Variants in SCUBE2 observed in about 807,000 individuals in gnomAD.
The protein encoded by SCUBE2 is signal peptide, CUB and EGF-like domain-containing protein 2.
In SCUBE2, 114 loss-of-function variants were observed where a neutral mutation model predicts 125.9. That is an observed-to-expected ratio of 0.91 (90% CI 0.78 to 1.06). The LOEUF (loss-of-function observed/expected upper bound fraction) is 1.06, where lower values mean the gene tolerates loss of function less well. Among genes scored for constraint, SCUBE2 ranks in the 50% least tolerant of loss-of-function variants. The probability of loss-of-function intolerance (pLI) is 0.00; values close to 1 mark genes in which losing one functional copy is unlikely to be tolerated. For synonymous variants in SCUBE2, 459 were observed against 492.9 expected, an observed-to-expected ratio of 0.93 and a Z score of 0.91; for missense variants, 1,255 against 1,301.8, an observed-to-expected ratio of 0.96 and a Z score of 0.55.
chr11:9,051,753 T>TA (rs1408622812), intron 13 of SCUBE2, among the ~76,000 whole-genome samples: 2 of 152,226 alleles, frequency 1.3e-5, no homozygotes, highest in East Asian at 3.9e-4. Flanking sequence ...ATAATGCATT[T>TA]AAAAAAAGGA....
intron 17 of SCUBE2, among the ~76,000 whole-genome samples, chr11:9,032,272 G>A (rs968050389): frequency 3.3e-5 from 5 of 151,924 alleles, no homozygotes; most frequent in African/African-American, 4.8e-5. Flanking sequence ...GTGCCACCAC[G>A]CTCAGCTATT....
chr11:9,026,031 A>G (rs1176771586), intron 20 of SCUBE2, 177 bp from the exon 21 acceptor site: 1 of 625,530 alleles, frequency 1.6e-6, no homozygotes, highest in Non-Finnish European at 2.6e-6. Flanking sequence ...TTCAGCTGGT[A>G]ATTGTGGACC....
chr11:9,021,286 C>T, intron 22 of SCUBE2, 89 bp from the exon 23 acceptor site: 1 of 1,114,398 alleles, frequency 9.0e-7, no homozygotes, highest in Admixed American at 3.1e-5. Flanking sequence ...CAGTATTAGG[C>T]CGTAGCTTGC....
Position 9,019,774 on chromosome 11 carries a change from A to T in SCUBE2, c.*1271T>A, listed in dbSNP as rs1855165624. Reference sequence around the variant, plus strand: ...GCATAGAATTGTTATTGAAATAACAAAACACTATAGTTGTAGGTAGTCCAT... The same window carrying T: ...GCATAGAATTGTTATTGAAATAACATAACACTATAGTTGTAGGTAGTCCAT... On this transcript the variant is annotated 3_prime_UTR_variant, in exon 23 of 23. Coordinates refer to ENST00000649792, the MANE Select transcript of SCUBE2 (RefSeq NM_001367977.2). Among the ~76,000 whole-genome samples, 1 of 152,204 alleles carries T rather than the reference A, an allele frequency of 6.6e-6. No homozygotes were observed. The highest frequency in any genetic ancestry group is 6.5e-5 in the Admixed American group (1 of 15,288).
chr11:9,050,489 G>T (rs1190291563), intron 14 of SCUBE2, 117 bp downstream of exon 14: 2 of 752,166 alleles, frequency 2.7e-6, no homozygotes, highest in East Asian at 4.9e-5. Flanking sequence ...AGTTCCATCT[G>T]CAGTGTGCTT....
chr11:9,024,768 A>G (rs1855582967), intron 21 of SCUBE2, among the ~76,000 whole-genome samples: 1 of 152,212 alleles, frequency 6.6e-6, no homozygotes, highest in African/African-American at 2.4e-5. Context: ...TTCAAGACCC[A>G]CATCTCTCAA....
At chr11:9,058,323 C>T (rs1490307117) in intron 9 of SCUBE2, among the ~76,000 whole-genome samples, 3 of 151,898 alleles carry the variant, frequency 2.0e-5, no homozygotes, top group Non-Finnish European at 2.9e-5. Context: ...ATTGGCCAGG[C>T]GCAGTGGCTC....
chr11:9,051,216 AT>A lies in SCUBE2; in HGVS notation c.1535-507del, dbSNP rs1566200502. Among the ~76,000 whole-genome samples the A allele has an allele frequency of 3.2e-3, 465 of 145,228 alleles. 2 individuals carry two copies. The highest frequency in any genetic ancestry group is 9.6e-3 in the African/African-American group (386 of 40,354). On this transcript the variant is annotated intron_variant, in intron 13 of 22. Coordinates refer to ENST00000649792, the MANE Select transcript of SCUBE2 (RefSeq NM_001367977.2). Reference sequence around the variant, plus strand: ...TATCTATCTATCTATCTATCTATCTATCTATCTATCTACCTACCTACCTATC... The same window carrying A: ...TATCTATCTATCTATCTATCTATCTACTATCTATCTACCTACCTACCTATC...
chr11:9,081,889 T>A lies in SCUBE2; in HGVS notation c.257-2380A>T, dbSNP rs566384151. On this transcript the variant is annotated intron_variant, in intron 2 of 22. Transcript: ENST00000649792. ...GGTCCTATGGTAATTTTTTTTAAAATTTTTTGAGGAACTTCCACACTGTTT... is the reference window on the plus strand; with the variant it reads ...GGTCCTATGGTAATTTTTTTTAAAAATTTTTGAGGAACTTCCACACTGTTT... Among the ~76,000 whole-genome samples, 44 of 152,320 alleles carry A rather than the reference T, an allele frequency of 2.9e-4. No individual in the cohort carries two copies. The South Asian group carries it at 8.3e-3, about 29-fold the overall frequency.
intron 4 of SCUBE2, among the ~76,000 whole-genome samples, chr11:9,073,843 A>G (rs1224376418): frequency 2.6e-5 from 4 of 152,228 alleles, no homozygotes; most frequent in African/African-American, 9.6e-5. Context: ...AGAGGAATGA[A>G]AAAAGGTATA....
At chr11:9,033,980 T>C (rs1209797151) in intron 16 of SCUBE2, among the ~76,000 whole-genome samples, 184 bp from the exon 17 acceptor site, 2 of 151,866 alleles carry the variant, frequency 1.3e-5, no homozygotes, top group Non-Finnish European at 2.9e-5. Flanking sequence ...TTGATCCTCA[T>C]TGCCCCGTTA....
At chr11:9,090,804 T>C (rs1862623791) in intron 1 of SCUBE2, among the ~76,000 whole-genome samples, 1 of 152,070 alleles carries the variant, frequency 6.6e-6, no homozygotes, top group South Asian at 2.1e-4. Flanking sequence ...ACAAAAGCAT[T>C]TTGAAAGTAT....
Position 9,047,980 on chromosome 11 carries a change from A to C in SCUBE2, c.1758T>G (p.Val586=). 1.2e-6 allele frequency: 2 copies of C among 1,613,946 alleles called. No homozygotes were observed. Among genetic ancestry groups the C allele is most frequent in the South Asian group, 2.2e-5 (2 of 91,062 alleles). The change falls in exon 15 of 23, where the codon GTT becomes GTG. Residue 586 remains valine, a synonymous_variant. Coordinates refer to ENST00000649792, the MANE Select transcript of SCUBE2 (RefSeq NM_001367977.2). ...PSTPKEMFIT[V]EFELETNQKE... ...TTTGGTTAGTTTCAAGCTCAAACTC[A>C]ACAGTGATAAACATTTCCTTAGGGG...
At chr11:9,079,004 C>A (rs1256077019) in intron 3 of SCUBE2, among the ~76,000 whole-genome samples, 2 of 152,002 alleles carry the variant, frequency 1.3e-5, no homozygotes, top group African/African-American at 2.4e-5. Context: ...CCCCAGCACA[C>A]ATTTGGAGTC....
chr11:9,058,595 C>CAAAAAAAAAAAAAA (rs61409328), intron 9 of SCUBE2, among the ~76,000 whole-genome samples: 3 of 44,314 alleles, frequency 6.8e-5, no homozygotes, highest in African/African-American at 2.6e-4. Flanking sequence ...GACTCTGTCT[C>CAAAAAAAAAAAAAA]AAAAAAAAAA....
At chr11:9,089,115 C>T (rs1862384315) in intron 2 of SCUBE2, among the ~76,000 whole-genome samples, 1 of 152,190 alleles carries the variant, frequency 6.6e-6, no homozygotes, top group Non-Finnish European at 1.5e-5. Flanking sequence ...GAGTCCAAAC[C>T]ACAGGTTCTC....
chr11:9,060,873 G>A (rs893956524), intron 7 of SCUBE2, among the ~76,000 whole-genome samples: 28 of 152,294 alleles, frequency 1.8e-4, no homozygotes, highest in African/African-American at 6.5e-4. Flanking sequence ...TGCAGAACAG[G>A]GCAAAGGGGA....
At position 9,091,425 on chromosome 11, in the gene SCUBE2, C is replaced by T. The variant is rs777080456; in HGVS notation, c.104G>A (p.Gly35Asp). Residue 35 changes from glycine to aspartate, a missense_variant, in exon 1 of 23, where the codon GGT becomes GAT. By Grantham distance (94) the Gly-to-Asp change is moderately conservative. Transcript: ENST00000649792. This position sits in a 1 kb window ranked among gnomAD's most constrained non-coding sequence, Gnocchi z 8.5. ...CTGCGGCCCCGCGGCACGGCCCCGA[C>T]CCGGCGGGACGGCCCCCGCCAGCAG... ...LLLLAGAVPP[G>D]RGRAAGPQED... is the part of the protein sequence containing the mutation. The T allele has an allele frequency of 4.0e-5, 53 of 1,333,208 alleles. No individual in the cohort carries two copies. The South Asian group carries it at 9.4e-4, about 24-fold the overall frequency. The allele number at this position is 1,333,208 out of a possible 1,614,324, so 82.6% of individuals were successfully genotyped here.
At chr11:9,060,557 C>A in intron 7 of SCUBE2, 33 bp from the exon 8 acceptor site, 1 of 1,569,692 alleles carries the variant, frequency 6.4e-7, no homozygotes, top group Non-Finnish European at 8.8e-7. Context: ...CAATTAGCTT[C>A]CCAAAGAAGT....
Sources: gnomAD v4.1 joint callset for allele counts (sites outside exome capture counted in the v4.1 genomes callset) on GRCh38, gnomAD v4.1.1 for gene constraint, Gnocchi (gnomAD v3.1) non-coding constraint, MANE v1.5 for transcripts, NCBI Gene and HGNC (gene_info 2026-07-23, HGNC 2026-07-21) for gene names.